The following RNF25 variants were observed in gnomAD, a reference collection of about 807,000 sequenced individuals.
RNF25 encodes ring finger protein 25, also known as E3 ubiquitin-protein ligase RNF25.
Under a neutral mutation model 65.0 loss-of-function variants are expected in RNF25, and 32 were observed. The ratio of observed to expected loss-of-function variants is 0.49; its 90% CI spans 0.37 to 0.66. The LOEUF (loss-of-function observed/expected upper bound fraction) is 0.66. RNF25 is among the 30% of genes least tolerant of loss of function. RNF25 has a pLI of 0.00. For synonymous variants in RNF25, 207 were observed against 221.2 expected (o/e 0.94, Z 0.57); for missense variants, 493 against 584.8 (o/e 0.84, Z 1.62).
At chr2:218,667,030 T>C (rs1369333481) in intron 5 of RNF25, among the ~76,000 whole-genome samples, 1 of 151,948 alleles carries the variant, frequency 6.6e-6, no homozygotes, top group African/African-American at 2.4e-5. Flanking sequence ...TAGCTGGGTG[T>C]GGTGGCACAT....
At position 218,664,603 on chromosome 2, in the gene RNF25, C is replaced by T. The variant is rs1939778991; in HGVS notation, c.802-68G>A. 1.9e-6 allele frequency: 3 copies of T among 1,576,194 alleles called. No individual in the cohort carries two copies. The highest frequency in any genetic ancestry group is 2.6e-6 in the Non-Finnish European group (3 of 1,155,858). Reference sequence around the variant, plus strand: ...TCAAGGTGGGGAACTACAGGCCCCTCTCCTACTATCTGGGCTGACCACGAT... The same window carrying T: ...TCAAGGTGGGGAACTACAGGCCCCTTTCCTACTATCTGGGCTGACCACGAT... On this transcript the variant is annotated intron_variant, in intron 9 of 9. Transcript: ENST00000295704. The surrounding 1 kb of genome is among the most constrained non-coding windows in gnomAD (Gnocchi z 5.1).
Position 218,668,747 on chromosome 2 carries a change from A to G in RNF25, c.42-68T>C, listed in dbSNP as rs1939889910. The G allele has an allele frequency of 4.6e-6, 5 of 1,097,682 alleles. No homozygotes were observed. In the South Asian group the frequency reaches 6.4e-5, roughly 14 times the overall value. 68.0% of individuals were successfully genotyped at this position (1,097,682 alleles called of 1,614,324 possible). Reference sequence around the variant, plus strand: ...CTGTGGAAGCCTGCTAAGGCCAATAAAGGCAGGCTTTGTAGAAAAATGGCA... The same window carrying G: ...CTGTGGAAGCCTGCTAAGGCCAATAGAGGCAGGCTTTGTAGAAAAATGGCA... On this transcript the variant is annotated intron_variant, in intron 1 of 9. Coordinates refer to ENST00000295704, the MANE Select transcript of RNF25 (RefSeq NM_022453.3).
At chr2:218,671,454 A>G (rs1019523230) in intron 1 of RNF25, among the ~76,000 whole-genome samples, 3 of 152,150 alleles carry the variant, frequency 2.0e-5, no homozygotes, top group Non-Finnish European at 4.4e-5. Flanking sequence ...TGAAGTGTAA[A>G]GCTTTATTCA....
intron 1 of RNF25, among the ~76,000 whole-genome samples, chr2:218,671,157 G>GT (rs1939956884): frequency 6.6e-6 from 1 of 152,204 alleles, no homozygotes; most frequent in Non-Finnish European, 1.5e-5. Flanking sequence ...GTGGGCGAGA[G>GT]TGAGACTCTG....
chr2:218,664,586 G>A lies in RNF25; in HGVS notation c.802-51C>T, dbSNP rs1357432141. The A allele has an allele frequency of 1.9e-6, 3 of 1,576,788 alleles. No individual in the cohort carries two copies. Among genetic ancestry groups the A allele is most frequent in the Admixed American group, 1.7e-5 (1 of 58,914 alleles). ...GAGGGAGATGCAGTTCCTCAAGGTG[G>A]GGAACTACAGGCCCCTCTCCTACTA... On this transcript the variant is annotated intron_variant, in intron 9 of 9. Coordinates refer to ENST00000295704, the MANE Select transcript of RNF25 (RefSeq NM_022453.3). This position sits in a 1 kb window ranked among gnomAD's most constrained non-coding sequence, Gnocchi z 5.1.
chr2:218,668,033 G>A, intron 4 of RNF25, 46 bp downstream of exon 4: 1 of 1,612,852 alleles, frequency 6.2e-7, no homozygotes, highest in Non-Finnish European at 8.5e-7. Flanking sequence ...CTGTCACCGG[G>A]CAAAGCTGTA....
chr2:218,666,963 G>A (rs1169619707), intron 5 of RNF25, among the ~76,000 whole-genome samples: 2 of 152,134 alleles, frequency 1.3e-5, no homozygotes, highest in Non-Finnish European at 2.9e-5. Flanking sequence ...GAGGTCAGGA[G>A]TTCAAGACCA....
At chr2:218,669,880 C>T (rs1939908878) in intron 1 of RNF25, among the ~76,000 whole-genome samples, 1 of 152,186 alleles carries the variant, frequency 6.6e-6, no homozygotes, top group Non-Finnish European at 1.5e-5. Context: ...GGCTGCTGCA[C>T]TCATTGTTGC....
Position 218,663,938 on chromosome 2 carries a change from T to G in RNF25, c.*19A>C. ...CCTCCCTCCCATCCCCAATTCCCTGTTCCCCCCACCAAGTCCTGCTAGGAA... is the reference window on the plus strand; with the variant it reads ...CCTCCCTCCCATCCCCAATTCCCTGGTCCCCCCACCAAGTCCTGCTAGGAA... On this transcript the variant is annotated 3_prime_UTR_variant, in exon 10 of 10. Coordinates refer to ENST00000295704, the MANE Select transcript of RNF25 (RefSeq NM_022453.3). 1 of 1,424,626 alleles carries G rather than the reference T, an allele frequency of 7.0e-7. No individual in the cohort carries two copies. The highest frequency in any genetic ancestry group is 1.9e-5 in the South Asian group (1 of 51,334). The allele number at this position is 1,424,626 out of a possible 1,614,324, so 88.2% of individuals were successfully genotyped here. A position where few individuals can be genotyped will look rare whatever the true frequency, so the allele number is the denominator to read the frequency against.
At chr2:218,666,318 A>G (rs1035882998) in intron 5 of RNF25, 88 bp from the exon 6 acceptor site, 6 of 1,112,168 alleles carry the variant, frequency 5.4e-6, no homozygotes, top group Admixed American at 4.0e-5. Context: ...GACTGGCTAG[A>G]CTTGGCTCCT....
chr2:218,666,016 T>C lies in RNF25; in HGVS notation c.473A>G (p.His158Arg), dbSNP rs1055498066. The change falls in exon 7 of 10, where the codon CAC (histidine) becomes CGC (arginine). Residue 158 changes from histidine (H) to arginine (R), a missense_variant. Physicochemically the swap from His to Arg is conservative, Grantham distance 29 (BLOSUM62 0). Transcript: ENST00000295704. ...FTKTPCYHYF[H>R]CHCLARYIQH... is the part of the protein sequence containing the mutation. ...GATGTACCGAGCAAGGCAGTGGCAGTGGAAGTAGTGGTAACAGGGTGTTTT... is the reference window on the plus strand; with the variant it reads ...GATGTACCGAGCAAGGCAGTGGCAGCGGAAGTAGTGGTAACAGGGTGTTTT... 8.7e-6 allele frequency: 14 copies of C among 1,613,944 alleles called. No individual in the cohort carries two copies. The highest frequency in any genetic ancestry group is 2.2e-5 in the South Asian group (2 of 91,084).
rs772976122 is a variant in RNF25 at position 218,664,216 on chromosome 2, G to A, written c.1121C>T (p.Pro374Leu). The change falls in exon 10 of 10, where the codon CCT becomes CTT. Residue 374 changes from proline to leucine, a missense_variant. By Grantham distance (98) the Pro-to-Leu change is moderately conservative. Coordinates refer to ENST00000295704, the MANE Select transcript of RNF25 (RefSeq NM_022453.3). This position sits in a 1 kb window ranked among gnomAD's most constrained non-coding sequence, Gnocchi z 5.1. ...KGTRDTQELP[P>L]PEGPLKEPMD... is the part of the protein sequence containing the mutation. Reference sequence around the variant, plus strand: ...GGGCTCCTTGAGGGGCCCCTCAGGAGGTGGCAGTTCCTGGGTGTCACGGGT... The same window carrying A: ...GGGCTCCTTGAGGGGCCCCTCAGGAAGTGGCAGTTCCTGGGTGTCACGGGT... 6.3e-7 allele frequency: 1 copy of A among 1,598,116 alleles called. No individual in the cohort carries two copies. Among genetic ancestry groups the A allele is most frequent in the Non-Finnish European group, 8.5e-7 (1 of 1,172,550 alleles).
In RNF25 at chr2:218,664,907, A is replaced by G. The variant is rs1939787677; in HGVS notation, c.667-34T>C. ...AAGAATGGCAGAGAGGAAATAATGA[A>G]CAGCAGAAGGCTGACTCAAACCTCT... On this transcript the variant is annotated intron_variant, in intron 8 of 9. Transcript: ENST00000295704. The surrounding 1 kb of genome is among the most constrained non-coding windows in gnomAD (Gnocchi z 5.1). The G allele has an allele frequency of 6.2e-7, 1 of 1,613,256 alleles. No individual in the cohort carries two copies. The highest frequency in any genetic ancestry group is 8.5e-7 in the Non-Finnish European group (1 of 1,179,696).
intron 5 of RNF25, among the ~76,000 whole-genome samples, chr2:218,666,740 C>T (rs929578597): frequency 3.9e-5 from 6 of 152,340 alleles, no homozygotes; most frequent in South Asian, 4.1e-4. Flanking sequence ...TAATAGTGTA[C>T]TCTGGAATTC....
intron 1 of RNF25, among the ~76,000 whole-genome samples, chr2:218,668,946 G>A (rs959895621): frequency 3.9e-5 from 6 of 152,338 alleles, no homozygotes; most frequent in East Asian, 1.9e-4. Flanking sequence ...GCTTAACATA[G>A]GTAGAACTAG....
intron 7 of RNF25, among the ~76,000 whole-genome samples, chr2:218,665,636 G>A (rs770377857): frequency 1.3e-5 from 2 of 151,754 alleles, no homozygotes; most frequent in South Asian, 2.1e-4. Context: ...CCAGCTACTC[G>A]GGAGGCTGAG....
chr2:218,664,513 T>G lies in RNF25; in HGVS notation c.824A>C (p.Glu275Ala), dbSNP rs772287477. 28 of 1,613,372 alleles carry G rather than the reference T, an allele frequency of 1.7e-5. No individual in the cohort carries two copies. Among genetic ancestry groups the G allele is most frequent in the Non-Finnish European group, 2.3e-5 (27 of 1,179,658 alleles). The part of the protein sequence containing the change: ...LQQPPAPAEP[E>A]SAVDVSKGSQ... ...TCCTTTGGAGACATCTACAGCTGAC[T>G]CAGGTTCCGCAGGGGCAGGAGGCTA... Residue 275 changes from glutamate (E) to alanine (A), a missense_variant, in exon 10 of 10, where the codon GAG becomes GCG. Physicochemically the swap from Glu to Ala is moderately radical, Grantham distance 107 (BLOSUM62 -1). This residue lies in a region of RNF25 where 351 missense variants were observed against 400.2 expected (regional missense o/e 0.88). Coordinates refer to ENST00000295704, the MANE Select transcript of RNF25 (RefSeq NM_022453.3). The surrounding 1 kb of genome is among the most constrained non-coding windows in gnomAD (Gnocchi z 5.1).
At position 218,664,432 on chromosome 2, in the gene RNF25, G is replaced by A. The variant is rs199989489; in HGVS notation, c.905C>T (p.Ser302Phe). 71 of 1,614,116 alleles carry A rather than the reference G, an allele frequency of 4.4e-5. No individual in the cohort carries two copies. Among genetic ancestry groups the A allele is most frequent in the South Asian group, 1.1e-5 (1 of 91,092 alleles). Reference sequence around the variant, plus strand: ...CACAGGCAGAGGAGGTGGCAAAGTGGATTGGACGGCTGGTGAGGTGGATAG... The same window carrying A: ...CACAGGCAGAGGAGGTGGCAAAGTGAATTGGACGGCTGGTGAGGTGGATAG... ...AELSTSPAVQ[S>F]TLPPPLPVAT... is the part of the protein sequence containing the mutation. Residue 302 changes from serine to phenylalanine, a missense_variant, in exon 10 of 10, where the codon TCC (serine) becomes TTC (phenylalanine). Transcript: ENST00000295704. This position sits in a 1 kb window ranked among gnomAD's most constrained non-coding sequence, Gnocchi z 5.1.
rs41272683 is a variant in RNF25 at position 218,665,939 on chromosome 2, G to A, written c.550C>T (p.Arg184Trp). 2.0e-3 allele frequency: 3,170 copies of A among 1,614,002 alleles called. 4 individuals are homozygous for A. Among genetic ancestry groups the A allele is most frequent in the Non-Finnish European group, 2.4e-3 (2,806 of 1,179,936 alleles). Residue 184 changes from arginine (R) to tryptophan (W), a missense_variant, in exon 7 of 10, where the codon CGG becomes TGG. Arg to Trp is a moderately radical substitution (Grantham distance 101, BLOSUM62 -3). Around this residue, in one of 3 missense-constraint regions of RNF25, gnomAD observed 351 missense variants for 400.2 expected, o/e 0.88. Transcript: ENST00000295704. ...ACCTGTTTGGTTGTAGCATGCTGCC[G>A]TTCCTGTTCCTGCTCCTGTCCTTGT... The part of the protein sequence containing the change: ...KAQGQEQEQE[R>W]QHATTKQKAV...
Sources: allele counts gnomAD v4.1 joint callset (sites outside exome capture counted in the v4.1 genomes callset), GRCh38; gene constraint gnomAD v4.1.1; regional missense constraint gnomAD v4.1.1; non-coding constraint Gnocchi (gnomAD v3.1); transcripts MANE v1.5; gene names NCBI Gene and HGNC (gene_info 2026-07-23, HGNC 2026-07-21).